Variants in KRT20 observed in about 807,000 individuals in gnomAD.
KRT20 encodes keratin, type I cytoskeletal 20.
A neutral mutation model predicts 43.0 loss-of-function variants in KRT20; 41 were observed. The ratio of observed to expected loss-of-function variants is 0.95; its 90% confidence interval spans 0.74 to 1.24. KRT20 has a LOEUF of 1.24. Among genes scored for constraint, KRT20 ranks in the 50% most tolerant of loss-of-function variants. The probability of loss-of-function intolerance (pLI) is 0.00; values close to 1 mark genes in which losing one functional copy is unlikely to be tolerated. For synonymous variants in KRT20, 207 were observed against 200.6 expected, an observed-to-expected ratio of 1.03 and a Z score of -0.27; for missense variants, 533 against 521.2, an observed-to-expected ratio of 1.02 and a Z score of -0.22.
chr17:40,877,484 T>C (rs1045772529), intron 6 of KRT20, 67 bp from the exon 7 acceptor site: 5 of 916,350 alleles, frequency 5.5e-6, no homozygotes, highest in Admixed American at 5.8e-5. Flanking sequence ...GTTTTGAAAA[T>C]GGAATGCACT....
At chr17:40,877,109 A>T (rs933621891) in intron 7 of KRT20, among the ~76,000 whole-genome samples, 1 of 152,150 alleles carries the variant, frequency 6.6e-6, no homozygotes, top group Non-Finnish European at 1.5e-5. Context: ...TCTGGTTCTC[A>T]TGGACACTCT....
intron 5 of KRT20, 32 bp from the exon 6 acceptor site, chr17:40,878,397 A>G (rs988776224): frequency 6.7e-6 from 10 of 1,498,858 alleles, no homozygotes; most frequent in Non-Finnish European, 9.3e-6. Flanking sequence ...GGCACTTCTT[A>G]TGTGAGGACT....
chr17:40,882,553 C>A lies in KRT20; in HGVS notation c.473+19G>T. 1.4e-6 allele frequency: 2 copies of A among 1,456,172 alleles called. No homozygotes were observed. Among genetic ancestry groups the A allele is most frequent in the South Asian group, 1.3e-5 (1 of 75,252 alleles). 90.2% of individuals were successfully genotyped at this position (1,456,172 alleles called of 1,614,324 possible). On this transcript the variant is annotated intron_variant, in intron 2 of 7. Coordinates refer to ENST00000167588, the MANE Select transcript of KRT20 (RefSeq NM_019010.3). ...GGAATTCTTTTTCAGAAACTTTTGC[C>A]ACGTATTAGGGAACCTACTTCAGTC... is the stretch of plus-strand genomic sequence containing the variant.
chr17:40,880,714 T>C lies in KRT20; in HGVS notation c.530A>G (p.Asn177Ser). 6.2e-7 allele frequency: 1 copy of C among 1,602,128 alleles called. No individual in the cohort carries two copies. Among genetic ancestry groups the C allele is most frequent in the Non-Finnish European group, 8.5e-7 (1 of 1,174,444 alleles). ...TAGGGTTAGGTCATCAAAGACCTTA[T>C]TCAGGCCTTGGAGATCAGCTTCCAC... ...LTVEADLQGLNKVFDDLTLHK... is the reference protein window; with the variant it reads ...LTVEADLQGLSKVFDDLTLHK... Residue 177 changes from asparagine to serine, a missense_variant, in exon 3 of 8, where the codon AAT (asparagine) becomes AGT (serine). Transcript: ENST00000167588.
chr17:40,880,731 A>G lies in KRT20; in HGVS notation c.513T>C (p.Ala171=). The change falls in exon 3 of 8, where the codon GCT becomes GCC. Residue 171 remains alanine, a synonymous_variant. Coordinates refer to ENST00000167588, the MANE Select transcript of KRT20 (RefSeq NM_019010.3). ...TERGIRLTVE[A]DLQGLNKVFD... ...AGACCTTATTCAGGCCTTGGAGATC[A>G]GCTTCCACTGTTAGACGTATTCCTC... 4.4e-6 allele frequency: 7 copies of G among 1,591,980 alleles called. No individual in the cohort carries two copies. The highest frequency in any genetic ancestry group is 6.0e-6 in the Non-Finnish European group (7 of 1,169,656).
At chr17:40,879,591 A>G (rs2143302506) in intron 5 of KRT20, among the ~76,000 whole-genome samples, 1 of 152,228 alleles carries the variant, frequency 6.6e-6, no homozygotes, top group Non-Finnish European at 1.5e-5. Flanking sequence ...TTTCCCTGTG[A>G]AATCTTCCAG....
rs1456255310 is a variant in KRT20 at position 40,884,914 on chromosome 17, A to G, written c.272T>C (p.Leu91Pro). 6.2e-7 allele frequency: 1 copy of G among 1,614,240 alleles called. No homozygotes were observed. Among genetic ancestry groups the G allele is most frequent in the East Asian group, 2.2e-5 (1 of 44,884 alleles). Residue 91 changes from leucine to proline, a missense_variant, in exon 1 of 8, where the codon CTG (leucine) becomes CCG (proline). Coordinates refer to ENST00000167588, the MANE Select transcript of KRT20 (RefSeq NM_019010.3). ...LASYLEKVRT[L>P]EQSNSKLEVQ... ...TTCAAGTTTGGAGTTGGACTGCTCCAGGGTCCGCACCTTTTCTAGGTAGCT... is the reference window on the plus strand; with the variant it reads ...TTCAAGTTTGGAGTTGGACTGCTCCGGGGTCCGCACCTTTTCTAGGTAGCT...
intron 1 of KRT20, among the ~76,000 whole-genome samples, chr17:40,883,296 C>A (rs910647626): frequency 6.6e-6 from 1 of 152,164 alleles, no homozygotes; most frequent in Non-Finnish European, 1.5e-5. Flanking sequence ...TAGGACATTT[C>A]TTTTAGCCCC....
At chr17:40,880,410 G>T in intron 3 of KRT20, 149 bp from the exon 4 acceptor site, 1 of 862,400 alleles carries the variant, frequency 1.2e-6, no homozygotes, top group Non-Finnish European at 1.7e-6. Flanking sequence ...GCTTATTGTG[G>T]TCCAGGTGCT....
At chr17:40,879,975 G>C (rs1002457631) in intron 4 of KRT20, 37 bp from the exon 5 acceptor site, 1 of 1,603,280 alleles carries the variant, frequency 6.2e-7, no homozygotes, top group African/African-American at 1.3e-5. Flanking sequence ...TAGTTGAGGG[G>C]TGGAAATAAG....
At position 40,884,996 on chromosome 17, in the gene KRT20, C is replaced by A; in HGVS notation, c.190G>T (p.Asp64Tyr). ...ATTTTCTCATTGCCAACAAACAGGT[C>A]CCCGCCGCCTGTGAGATCGCTCCCA... ...NYGSDLTGGG[D>Y]LFVGNEKMAM... The change falls in exon 1 of 8, where the codon GAC (aspartate) becomes TAC (tyrosine). Residue 64 changes from aspartate to tyrosine, a missense_variant. Coordinates refer to ENST00000167588, the MANE Select transcript of KRT20 (RefSeq NM_019010.3). The A allele has an allele frequency of 1.2e-6, 2 of 1,614,172 alleles. No homozygotes were observed. The highest frequency in any genetic ancestry group is 1.7e-6 in the Non-Finnish European group (2 of 1,180,044).
chr17:40,885,165 G>A lies in KRT20; in HGVS notation c.21C>T (p.Ser7=), dbSNP rs748489827. MDFSRR[S]FHRSLSSSLQ... ...AGGAGGAGCTCAGGCTTCTGTGGAA[G>A]CTTCTGCGACTGAAATCCATTGGAG... The change falls in exon 1 of 8, where the codon AGC becomes AGT. Residue 7 remains serine, a synonymous_variant. Coordinates refer to ENST00000167588, the MANE Select transcript of KRT20 (RefSeq NM_019010.3). 1.2e-6 allele frequency: 2 copies of A among 1,603,786 alleles called. No homozygotes were observed. The highest frequency in any genetic ancestry group is 4.5e-5 in the East Asian group (2 of 44,664).
chr17:40,877,023 T>C (rs74597601), intron 7 of KRT20, among the ~76,000 whole-genome samples: 2,684 of 152,344 alleles, frequency 0.018, 36 homozygotes, highest in South Asian at 0.041. Flanking sequence ...GATGGATTAA[T>C]GTGGTTACCA....
At chr17:40,881,031 G>C (rs1181890004) in intron 2 of KRT20, among the ~76,000 whole-genome samples, 2 of 152,152 alleles carry the variant, frequency 1.3e-5, no homozygotes, top group Non-Finnish European at 2.9e-5. Context: ...CTAAATTCTA[G>C]AATTTATCTT....
intron 2 of KRT20, among the ~76,000 whole-genome samples, chr17:40,882,029 C>G (rs1317929702): frequency 1.3e-5 from 2 of 152,082 alleles, no homozygotes; most frequent in African/African-American, 4.8e-5. Context: ...TACGGCATCA[C>G]GCCCAGCTAA....
chr17:40,882,118 C>A (rs1907626484), intron 2 of KRT20, among the ~76,000 whole-genome samples: 1 of 152,168 alleles, frequency 6.6e-6, no homozygotes, highest in African/African-American at 2.4e-5. Flanking sequence ...CATCAAGAGT[C>A]ACCCCTGGAA....
Position 40,877,420 on chromosome 17 carries a change from GT to G in KRT20, c.1140-4del, listed in dbSNP as rs370577040. The G allele has an allele frequency of 0.015, 17,342 of 1,164,066 alleles. No homozygotes were observed. Among genetic ancestry groups the G allele is most frequent in the South Asian group, 0.023 (1,254 of 55,118 alleles). 72.1% of individuals were successfully genotyped at this position (1,164,066 alleles called of 1,614,324 possible). On this transcript the variant is annotated splice_region_variant and splice_polypyrimidine_tract_variant and intron_variant, in intron 6 of 7. Transcript: ENST00000167588. The stretch of plus-strand genomic sequence containing the variant: ...TGCTTAACTGATATTCTGTAGTTCT[GT>G]TTTTTTTTTTAATGAAAAGAAGAAA...
chr17:40,879,033 T>C (rs911126334), intron 5 of KRT20, among the ~76,000 whole-genome samples: 2 of 152,200 alleles, frequency 1.3e-5, no homozygotes, highest in Non-Finnish European at 2.9e-5. Flanking sequence ...CCTCCTGACC[T>C]CAAATGATCC....
At position 40,884,840 on chromosome 17, in the gene KRT20, C is replaced by T. The variant is rs766552177; in HGVS notation, c.346G>A (p.Asp116Asn). ...ATTTGTCTGTAATATGCACTGTAGT[C>T]GCGACCAGCCCTCGGGGCGTTGGTT... ...YETNAPRAGR[D>N]YSAYYRQIEE... The change falls in exon 1 of 8, where the codon GAC becomes AAC. Residue 116 changes from aspartate to asparagine, a missense_variant. Asp to Asn is a conservative substitution (Grantham distance 23). Transcript: ENST00000167588. 8.1e-6 allele frequency: 13 copies of T among 1,614,166 alleles called. No individual in the cohort carries two copies. In the Admixed American group the frequency reaches 2.2e-4, roughly 27 times the overall value.
Sources: allele counts gnomAD v4.1 joint callset (sites outside exome capture counted in the v4.1 genomes callset), GRCh38; gene constraint gnomAD v4.1.1; transcripts MANE v1.5; gene names NCBI Gene and HGNC (gene_info 2026-07-23, HGNC 2026-07-21).